GNA12: variants seen among roughly 807,000 people sequenced by gnomAD.
GNA12 encodes guanine nucleotide-binding protein subunit alpha-12.
A neutral mutation model predicts 26.0 loss-of-function variants in GNA12; 9 were observed. That is an observed-to-expected ratio of 0.35 (90% confidence interval 0.21 to 0.60). The LOEUF (loss-of-function observed/expected upper bound fraction) is 0.60. Ranked by LOEUF, GNA12 falls within the 20% of genes least tolerant of loss-of-function variation. The pLI is 0.78. For missense variants in GNA12, 405 were observed against 525.8 expected, an observed-to-expected ratio of 0.77 and a Z score of 2.25; for synonymous variants, 264 against 219.6, an observed-to-expected ratio of 1.20 and a Z score of -1.79.
In GNA12 at chr7:2,762,356, C is replaced by T. The variant is rs146183511; in HGVS notation, c.526-28855G>A. The T allele has an allele frequency of 6.7e-4, 262 of 389,254 alleles. 1 individual carries two copies. In the East Asian group the frequency reaches 7.6e-3, roughly 11 times the overall value. 24.1% of individuals were successfully genotyped at this position (389,254 alleles called of 1,614,324 possible). ...TGCTGCTGGACACACACGATCCCAC[C>T]GAATCCAGACACGGTATGGCGGTTC... On this transcript the variant is annotated intron_variant, in intron 2 of 3. Transcript: ENST00000275364.
chr7:2,824,540 C>T (rs1181177433), intron 1 of GNA12, among the ~76,000 whole-genome samples: 1 of 152,218 alleles, frequency 6.6e-6, no homozygotes, highest in African/African-American at 2.4e-5. Flanking sequence ...ATAAGACGTG[C>T]CTGTTTACCC....
At chr7:2,833,613 C>G (rs1182181) in intron 1 of GNA12, among the ~76,000 whole-genome samples, 37,854 of 152,088 alleles carry the variant, frequency 0.25, 5,279 homozygotes, top group Non-Finnish European at 0.3. Flanking sequence ...AGTTAGCTGA[C>G]GGAAAAAGAT....
At chr7:2,775,296 T>C (rs774434116) in intron 2 of GNA12, 4 of 152,186 alleles carry the variant, frequency 2.6e-5, no homozygotes, top group Non-Finnish European at 4.4e-5. Context: ...CAGCCTCATT[T>C]AGGGTTAGAT....
At chr7:2,754,392 T>C (rs1376773578) in intron 2 of GNA12, among the ~76,000 whole-genome samples, 1 of 152,172 alleles carries the variant, frequency 6.6e-6, no homozygotes, top group African/African-American at 2.4e-5. Context: ...CTTTGTCGGA[T>C]ATGTAGTCAG....
chr7:2,780,863 AC>A (rs1343394025), intron 2 of GNA12, among the ~76,000 whole-genome samples: 1 of 152,228 alleles, frequency 6.6e-6, no homozygotes, highest in Non-Finnish European at 1.5e-5. Context: ...GGCTTTTCAT[AC>A]CTAGGATTGG....
Position 2,799,502 on chromosome 7 carries a change from A to G in GNA12, c.310-4359T>C, listed in dbSNP as rs116444593. On this transcript the variant is annotated intron_variant, in intron 1 of 3. Transcript: ENST00000275364. ...GAGGCTGAGGCATGAAGATAGCTTGAGCCCAAGAGTTTGAGGTTACAGTGA... is the reference window on the plus strand; with the variant it reads ...GAGGCTGAGGCATGAAGATAGCTTGGGCCCAAGAGTTTGAGGTTACAGTGA... Among the ~76,000 whole-genome samples, 648 of 152,292 alleles carry G rather than the reference A, an allele frequency of 4.3e-3. 5 individuals are homozygous for G. The highest frequency in any genetic ancestry group is 0.015 in the African/African-American group (627 of 41,538).
intron 2 of GNA12, among the ~76,000 whole-genome samples, chr7:2,744,207 C>T (rs193149254): frequency 9.2e-5 from 14 of 152,336 alleles, no homozygotes; most frequent in African/African-American, 1.4e-4. Flanking sequence ...GATCTGAGAA[C>T]GGGCAGACTG....
Position 2,733,517 on chromosome 7 carries a change from AAT to A in GNA12, c.526-18_526-17del. ...CCGACTCCCCCTGTCAGGAAGGAAG[AAT>A]ATTCACAGCTCAGTCTGGACTGAGG... On this transcript the variant is annotated splice_polypyrimidine_tract_variant and intron_variant, in intron 2 of 3. Coordinates refer to ENST00000275364, the MANE Select transcript of GNA12 (RefSeq NM_007353.3). The A allele has an allele frequency of 1.2e-6, 2 of 1,608,412 alleles. No homozygotes were observed. The highest frequency in any genetic ancestry group is 2.2e-5 in the South Asian group (2 of 90,752).
chr7:2,818,079 G>C (rs1793255872), intron 1 of GNA12, among the ~76,000 whole-genome samples: 1 of 152,194 alleles, frequency 6.6e-6, no homozygotes, highest in African/African-American at 2.4e-5. Flanking sequence ...TTAATTCAAT[G>C]AACACGGAAT....
At chr7:2,809,988 T>G (rs955056657) in intron 1 of GNA12, among the ~76,000 whole-genome samples, 9 of 152,240 alleles carry the variant, frequency 5.9e-5, no homozygotes, top group African/African-American at 2.2e-4. Context: ...CGGAACAGTC[T>G]TCTAGTATCA....
intron 2 of GNA12, among the ~76,000 whole-genome samples, chr7:2,755,944 T>C (rs1255242948): frequency 6.6e-6 from 1 of 151,980 alleles, no homozygotes. Context: ...CCAGCAGGCA[T>C]TTTTTTTGGT....
In GNA12 at chr7:2,843,840, G is replaced by A. The variant is rs1257245626; in HGVS notation, c.309+13C>T. 2 of 1,436,686 alleles carry A rather than the reference G, an allele frequency of 1.4e-6. No homozygotes were observed. The highest frequency in any genetic ancestry group is 9.3e-7 in the Non-Finnish European group (1 of 1,075,670). The allele number at this position is 1,436,686 out of a possible 1,614,324, so 89.0% of individuals were successfully genotyped here. A position where few individuals can be genotyped will look rare whatever the true frequency, so the allele number is the denominator to read the frequency against. ...CACCTGGGTGCAGGTGCTGGGCGGG[G>A]GGCGCGCGTCACCTTGAGGATGTTG... On this transcript the variant is annotated intron_variant, in intron 1 of 3. Coordinates refer to ENST00000275364, the MANE Select transcript of GNA12 (RefSeq NM_007353.3).
intron 2 of GNA12, among the ~76,000 whole-genome samples, chr7:2,759,175 AT>A (rs1562411281): frequency 4.0e-5 from 6 of 149,220 alleles, no homozygotes; most frequent in African/African-American, 1.5e-4. Flanking sequence ...AAATAAATAA[AT>A]AAATAAATAA....
intron 1 of GNA12, among the ~76,000 whole-genome samples, chr7:2,799,179 C>T (rs1411309940): frequency 1.3e-5 from 2 of 152,200 alleles, no homozygotes; most frequent in Non-Finnish European, 2.9e-5. Flanking sequence ...GCCAAAGACC[C>T]TCTTAAGAGG....
At chr7:2,807,195 C>T (rs1237763508) in intron 1 of GNA12, among the ~76,000 whole-genome samples, 1 of 152,082 alleles carries the variant, frequency 6.6e-6, no homozygotes, top group Non-Finnish European at 1.5e-5. Context: ...TGTATACTGA[C>T]AACTGAAAAT....
intron 1 of GNA12, among the ~76,000 whole-genome samples, chr7:2,799,726 G>C (rs1399767359): frequency 6.6e-6 from 1 of 152,090 alleles, no homozygotes; most frequent in African/African-American, 2.4e-5. Flanking sequence ...TTTCACTGGA[G>C]AACATATATA....
intron 2 of GNA12, among the ~76,000 whole-genome samples, chr7:2,771,426 C>G (rs1242963017): frequency 6.6e-6 from 1 of 152,226 alleles, no homozygotes; most frequent in African/African-American, 2.4e-5. Flanking sequence ...CCAAACAACT[C>G]CCACTGTGGC....
Position 2,795,078 on chromosome 7 carries a change from C to T in GNA12, c.375G>A (p.Glu125=). ...LGIPWQYSEN[E]KHGMFLMAFE... ...AGGCCATCAGGAACATCCCATGCTT[C>T]TCATTTTCAGAATACTGCCAAGGAA... is the stretch of plus-strand genomic sequence containing the variant. The change falls in exon 2 of 4, where the codon GAG becomes GAA. Residue 125 remains glutamate, a synonymous_variant. Coordinates refer to ENST00000275364, the MANE Select transcript of GNA12 (RefSeq NM_007353.3). 1.2e-6 allele frequency: 2 copies of T among 1,613,964 alleles called. No homozygotes were observed. The highest frequency in any genetic ancestry group is 8.5e-7 in the Non-Finnish European group (1 of 1,179,884).
chr7:2,792,922 G>A (rs1792556751), intron 2 of GNA12, among the ~76,000 whole-genome samples: 1 of 152,174 alleles, frequency 6.6e-6, no homozygotes, highest in Non-Finnish European at 1.5e-5. Context: ...ACAACACAGA[G>A]AAAATACTGA....
Sources: gnomAD v4.1 joint callset for allele counts (sites outside exome capture counted in the v4.1 genomes callset) on GRCh38, gnomAD v4.1.1 for gene constraint, MANE v1.5 for transcripts, NCBI Gene and HGNC (gene_info 2026-07-23, HGNC 2026-07-21) for gene names.